The following TNPO1 variants were observed in gnomAD, a reference collection of about 807,000 sequenced individuals.
The protein encoded by TNPO1 is transportin-1.
Under a neutral mutation model 119.5 loss-of-function variants are expected in TNPO1, and 8 were observed. The ratio of observed to expected loss-of-function variants is 0.07; its 90% CI spans 0.04 to 0.12. The LOEUF is 0.12. Among genes scored for constraint, TNPO1 ranks in the 10% least tolerant of loss-of-function variants. The pLI, the probability that TNPO1 is intolerant of heterozygous loss-of-function variation, is 1.00. For missense variants in TNPO1, 576 were observed against 1,089.8 expected (o/e 0.53, Z 6.64); for synonymous variants, 362 against 363.0 (o/e 1.00, Z 0.03).
chr5:72,818,174 C>T (rs1310999895), intron 1 of TNPO1, among the ~76,000 whole-genome samples: 1 of 152,228 alleles, frequency 6.6e-6, no homozygotes, highest in Non-Finnish European at 1.5e-5. Context: ...GGGGCCGCCA[C>T]CCTTGATGTG....
intron 1 of TNPO1, among the ~76,000 whole-genome samples, chr5:72,834,462 A>T (rs1744605429): frequency 1.3e-5 from 2 of 152,184 alleles, no homozygotes; most frequent in African/African-American, 4.8e-5. Flanking sequence ...GATGACACTG[A>T]CCCTGTGCAG....
In TNPO1 at chr5:72,908,894, TTG is replaced by T. The variant is rs374253354; in HGVS notation, c.*224_*225del. On this transcript the variant is annotated 3_prime_UTR_variant, in exon 25 of 25. Transcript: ENST00000337273. ...GGAAACGTTTTAACATCTGGAGCCTTTGTGGGTGGAAATATGTCTCCAGTTAC... is the reference window on the plus strand; with the variant it reads ...GGAAACGTTTTAACATCTGGAGCCTTTGGGTGGAAATATGTCTCCAGTTAC... 7.8e-4 allele frequency: 355 copies of T among 453,870 alleles called. 3 individuals are homozygous for T. The highest frequency in any genetic ancestry group is 6.6e-3 in the African/African-American group (329 of 49,892). 28.1% of individuals were successfully genotyped at this position (453,870 alleles called of 1,614,324 possible). A position where few individuals can be genotyped will look rare whatever the true frequency, so the allele number is the denominator to read the frequency against.
In TNPO1 at chr5:72,824,307, ACCCCAATTTTTTGTTTC is replaced by A. The variant is rs1259533666; in HGVS notation, c.15+7557_15+7573del. Reference sequence around the variant, plus strand: ...AAATCTTGTCCCACTTCACCACATTACCCCAATTTTTTGTTTCCTTTGGGAGCAGTATTTCTCAAAAT... The same window carrying A: ...AAATCTTGTCCCACTTCACCACATTACTTTGGGAGCAGTATTTCTCAAAAT... On this transcript the variant is annotated intron_variant, in intron 1 of 24. Transcript: ENST00000337273. Among the ~76,000 whole-genome samples, 4 of 152,100 alleles carry A rather than the reference ACCCCAATTTTTTGTTTC, an allele frequency of 2.6e-5. No homozygotes were observed. In the South Asian group the frequency reaches 6.2e-4, roughly 24 times the overall value.
At chr5:72,869,775 T>TTGTG (rs1024766693) in intron 6 of TNPO1, among the ~76,000 whole-genome samples, 1 of 152,204 alleles carries the variant, frequency 6.6e-6, no homozygotes, top group African/African-American at 2.4e-5. Context: ...AATTCATTCT[T>TTGTG]CACAAACAAA....
At chr5:72,841,741 T>C (rs1744925230) in intron 1 of TNPO1, among the ~76,000 whole-genome samples, 1 of 151,624 alleles carries the variant, frequency 6.6e-6, no homozygotes, top group African/African-American at 2.4e-5. Context: ...CTTTTCCTTC[T>C]TTCCCTTCAT....
intron 1 of TNPO1, among the ~76,000 whole-genome samples, chr5:72,841,736 C>T (rs1187670929): frequency 6.6e-6 from 1 of 151,576 alleles, no homozygotes; most frequent in Non-Finnish European, 1.5e-5. Context: ...GTAAACTTTT[C>T]CTTCTTTCCC....
intron 11 of TNPO1, among the ~76,000 whole-genome samples, chr5:72,883,804 C>T (rs571096927): frequency 6.2e-4 from 94 of 152,120 alleles, no homozygotes; most frequent in Non-Finnish European, 7.9e-4. Context: ...TATGCAGTGG[C>T]GCAGTCATGG....
intron 11 of TNPO1, among the ~76,000 whole-genome samples, chr5:72,885,267 TG>T (rs1748534301): frequency 6.6e-6 from 1 of 152,256 alleles, no homozygotes; most frequent in Admixed American, 6.5e-5. Flanking sequence ...CATCTAGTAC[TG>T]GGACCCAAGT....
Position 72,826,241 on chromosome 5 carries a change from G to C in TNPO1, c.15+9489G>C, listed in dbSNP as rs76146548. Among the ~76,000 whole-genome samples, 737 of 151,974 alleles carry C rather than the reference G, an allele frequency of 4.8e-3. 7 individuals are homozygous for C. The highest frequency in any genetic ancestry group is 0.017 in the African/African-American group (715 of 41,434). Reference sequence around the variant, plus strand: ...TGGACTCCTTTTTATTTTTTGCATAGCACATACAACCTTCTAACATACTAT... The same window carrying C: ...TGGACTCCTTTTTATTTTTTGCATACCACATACAACCTTCTAACATACTAT... On this transcript the variant is annotated intron_variant, in intron 1 of 24. Coordinates refer to ENST00000337273, the MANE Select transcript of TNPO1 (RefSeq NM_002270.4).
chr5:72,856,438 G>A (rs1210957726), intron 4 of TNPO1, among the ~76,000 whole-genome samples: 2 of 151,912 alleles, frequency 1.3e-5, no homozygotes, highest in Non-Finnish European at 2.9e-5. Flanking sequence ...TTACCATGTT[G>A]GCCAGGCTGG....
At chr5:72,854,523 T>G (rs1192634119) in intron 3 of TNPO1, among the ~76,000 whole-genome samples, 2 of 152,222 alleles carry the variant, frequency 1.3e-5, no homozygotes, top group Non-Finnish European at 2.9e-5. Flanking sequence ...CTCTTCATCT[T>G]ATAGCCCTTT....
intron 4 of TNPO1, among the ~76,000 whole-genome samples, chr5:72,858,200 A>G (rs553523258): frequency 1.3e-5 from 2 of 152,006 alleles, no homozygotes; most frequent in African/African-American, 4.8e-5. Flanking sequence ...TAAAAAAGCA[A>G]TTAGGAATGT....
chr5:72,825,543 C>T (rs1252169185), intron 1 of TNPO1, among the ~76,000 whole-genome samples: 5 of 152,030 alleles, frequency 3.3e-5, no homozygotes, highest in African/African-American at 9.7e-5. Flanking sequence ...AAAAATTAGC[C>T]GGGCGTGGTG....
chr5:72,856,747 T>C (rs2112286809), intron 4 of TNPO1, among the ~76,000 whole-genome samples: 1 of 152,340 alleles, frequency 6.6e-6, no homozygotes, highest in Admixed American at 6.5e-5. Context: ...TCAGGGGCAG[T>C]ACAACTTTCT....
chr5:72,891,954 T>C, intron 15 of TNPO1, 58 bp downstream of exon 15: 2 of 1,279,120 alleles, frequency 1.6e-6, no homozygotes. Context: ...AAATCCAAAA[T>C]GGGTATATAT....
At position 72,893,180 on chromosome 5, in the gene TNPO1, T is replaced by C; in HGVS notation, c.1830T>C (p.Leu610=). ...CCACAGCACTGCAGTCTGGATTCCTTCCGTACTGTGAACCTGTGTATCAGC... is the reference window on the plus strand; with the variant it reads ...CCACAGCACTGCAGTCTGGATTCCTCCCGTACTGTGAACCTGTGTATCAGC... ...SVATALQSGF[L]PYCEPVYQRC... is the part of the protein sequence containing the mutation. Residue 610 remains leucine (L), a synonymous_variant, in exon 16 of 25, where the codon CTT becomes CTC. Coordinates refer to ENST00000337273, the MANE Select transcript of TNPO1 (RefSeq NM_002270.4). 6.2e-7 allele frequency: 1 copy of C among 1,614,152 alleles called. No homozygotes were observed. The highest frequency in any genetic ancestry group is 1.1e-5 in the South Asian group (1 of 91,080).
At chr5:72,873,096 G>A (rs1471667017) in intron 7 of TNPO1, among the ~76,000 whole-genome samples, 2 of 152,048 alleles carry the variant, frequency 1.3e-5, no homozygotes, top group East Asian at 3.9e-4. Flanking sequence ...GTTAGATTAA[G>A]TTCATTTGGT....
chr5:72,874,832 A>G (rs1747651410), intron 7 of TNPO1, among the ~76,000 whole-genome samples: 1 of 152,180 alleles, frequency 6.6e-6, no homozygotes, highest in Non-Finnish European at 1.5e-5. Context: ...TAATACATGT[A>G]TGTGTAAATA....
At chr5:72,872,946 A>C (rs1020670907) in intron 7 of TNPO1, among the ~76,000 whole-genome samples, 1 of 152,120 alleles carries the variant, frequency 6.6e-6, no homozygotes, top group Non-Finnish European at 1.5e-5. Context: ...GTATCATTCT[A>C]CAAACACTGA....
Sources: gnomAD v4.1 joint callset for allele counts (sites outside exome capture counted in the v4.1 genomes callset) on GRCh38, gnomAD v4.1.1 for gene constraint, MANE v1.5 for transcripts, NCBI Gene and HGNC (gene_info 2026-07-23, HGNC 2026-07-21) for gene names.